Variants in HACE1 observed in about 807,000 individuals in gnomAD.
HACE1 encodes the protein E3 ubiquitin-protein ligase HACE1.
In HACE1, 73 loss-of-function variants were observed where a neutral mutation model predicts 118.4. That is an observed-to-expected ratio of 0.62 (90% CI 0.51 to 0.75). HACE1 has a LOEUF of 0.75. Ranked by LOEUF, HACE1 falls within the 30% of genes least tolerant of loss-of-function variation. The pLI is 0.00. For synonymous variants in HACE1, 368 were observed against 374.8 expected, an observed-to-expected ratio of 0.98 and a Z score of 0.21; for missense variants, 749 against 1,102.2, an observed-to-expected ratio of 0.68 and a Z score of 4.54.
At chr6:104,858,425 G>A (rs1776957432) in intron 1 of HACE1, 1 of 327,748 alleles carries the variant, frequency 3.1e-6, no homozygotes, top group Non-Finnish European at 6.1e-6. Flanking sequence ...CCCAGGCCAG[G>A]CGCGGTGGCT....
intron 22 of HACE1, chr6:104,732,076 T>C (rs1775271056): frequency 6.6e-6 from 1 of 152,124 alleles, no homozygotes; most frequent in Non-Finnish European, 1.5e-5. Context: ...ATTACAAGTA[T>C]TGGCAAGGAT....
chr6:104,757,959 C>A (rs1778905019), intron 19 of HACE1, among the ~76,000 whole-genome samples: 1 of 151,524 alleles, frequency 6.6e-6, no homozygotes, highest in Non-Finnish European at 1.5e-5. Context: ...GACTGAAGAT[C>A]AAATCAATGA....
At chr6:104,828,967 AG>A (rs1773594205) in intron 6 of HACE1, among the ~76,000 whole-genome samples, 2 of 152,100 alleles carry the variant, frequency 1.3e-5, no homozygotes, top group South Asian at 4.1e-4. Context: ...TGAGATTAGA[AG>A]GCGAATTTCA....
At chr6:104,785,488 T>C in intron 11 of HACE1, 169 bp from the exon 12 acceptor site, 3 of 583,752 alleles carry the variant, frequency 5.1e-6, no homozygotes, top group Admixed American at 3.0e-5. Flanking sequence ...AATAAAATTA[T>C]ACAAATGCTA....
intron 2 of HACE1, among the ~76,000 whole-genome samples, 186 bp from the exon 3 acceptor site, chr6:104,851,182 C>T (rs1776167937): frequency 6.6e-6 from 1 of 152,214 alleles, no homozygotes; most frequent in Admixed American, 6.5e-5. Context: ...CTCCCTGGTT[C>T]AAGCAATTCT....
chr6:104,852,124 T>C (rs549066657), intron 2 of HACE1, among the ~76,000 whole-genome samples, 193 bp downstream of exon 2: 6 of 152,260 alleles, frequency 3.9e-5, no homozygotes, highest in African/African-American at 1.2e-4. Context: ...GAAAATCTTA[T>C]TCCTTATTTC....
chr6:104,771,319 T>C lies in HACE1; in HGVS notation c.2085A>G (p.Leu695=). ...PEYAKNLQWI[L]DNDISDLGLE... ...GACCCAGATCACTTATATCATTATC[T>C]AAAATCCATTGCAAATTTTTCGCAT... The change falls in exon 19 of 24, where the codon TTA becomes TTG. Residue 695 remains leucine (L), a synonymous_variant. Coordinates refer to ENST00000262903, the MANE Select transcript of HACE1 (RefSeq NM_020771.4). The C allele has an allele frequency of 6.2e-7, 1 of 1,611,800 alleles. No individual in the cohort carries two copies. The highest frequency in any genetic ancestry group is 8.5e-7 in the Non-Finnish European group (1 of 1,177,922).
At chr6:104,831,959 A>AAG (rs1773956377) in intron 6 of HACE1, among the ~76,000 whole-genome samples, 1 of 90,606 alleles carries the variant, frequency 1.1e-5, no homozygotes, top group African/African-American at 5.7e-5. Context: ...AGAAGAGAAG[A>AAG]GAAGAGAAGA....
chr6:104,853,230 T>C (rs1337904311), intron 1 of HACE1, among the ~76,000 whole-genome samples: 2 of 152,240 alleles, frequency 1.3e-5, no homozygotes, highest in Non-Finnish European at 2.9e-5. Context: ...GCCACACTGT[T>C]GGACTTCCCA....
intron 23 of HACE1, 75 bp downstream of exon 23, chr6:104,730,228 A>C (rs1453766351): frequency 5.0e-6 from 4 of 804,306 alleles, no homozygotes; most frequent in Admixed American, 1.8e-5. Flanking sequence ...CCAATGCAGC[A>C]ACAGTTAGAT....
Position 104,729,753 on chromosome 6 carries a change from A to G in HACE1, c.2639T>C (p.Leu880Pro). 1.3e-6 allele frequency: 2 copies of G among 1,495,550 alleles called. No individual in the cohort carries two copies. The highest frequency in any genetic ancestry group is 1.9e-6 in the Non-Finnish European group (2 of 1,072,734). 92.6% of individuals were successfully genotyped at this position (1,495,550 alleles called of 1,614,324 possible). Residue 880 changes from leucine to proline, a missense_variant, in exon 24 of 24, where the codon CTC becomes CCC. Physicochemically the swap from Leu to Pro is moderately conservative, Grantham distance 98. This residue lies in a region of HACE1 where 165 missense variants were observed against 229.9 expected (regional missense o/e 0.72). Transcript: ENST00000262903. Reference sequence around the variant, plus strand: ...TTTACTTGGGTATTCAGGTAACTTGAGCATGTTGATGCTTTAAAAGAAAAA... The same window carrying G: ...TTTACTTGGGTATTCAGGTAACTTGGGCATGTTGATGCTTTAAAAGAAAAA... ...LPTSSTCINM[L>P]KLPEYPSKEI...
At chr6:104,736,920 T>C (rs1775907476) in intron 22 of HACE1, among the ~76,000 whole-genome samples, 1 of 152,128 alleles carries the variant, frequency 6.6e-6, no homozygotes, top group South Asian at 2.1e-4. Context: ...TTTAATTTTC[T>C]TCTATTTTCT....
rs1469918083 is a variant in HACE1, at chr6:104,774,280, C to T, written c.1865-2206G>A. ...AATTTTTTTGTATTTTTAGTAGAGA[C>T]GGGGTTTCACCGTTTTAGCCGGGAT... On this transcript the variant is annotated intron_variant, in intron 17 of 23. Coordinates refer to ENST00000262903, the MANE Select transcript of HACE1 (RefSeq NM_020771.4). Among the ~76,000 whole-genome samples the T allele has an allele frequency of 8.5e-5, 11 of 130,000 alleles. 1 individual carries two copies. The highest frequency in any genetic ancestry group is 1.7e-4 in the Non-Finnish European group (11 of 62,866). 85.3% of individuals were successfully genotyped at this position (130,000 alleles called of 152,430 possible). A position where few individuals can be genotyped will look rare whatever the true frequency, so the allele number is the denominator to read the frequency against.
chr6:104,841,874 A>C (rs1775147797), intron 5 of HACE1, among the ~76,000 whole-genome samples: 1 of 152,198 alleles, frequency 6.6e-6, no homozygotes, highest in South Asian at 2.1e-4. Flanking sequence ...TCCATTAAAT[A>C]ATGACAATTT....
rs549972238 is a variant in HACE1, at chr6:104,778,630, C to CAA, written c.1567-1315_1567-1314dup. ...GGCAACAGTGAGACCCTGTCTCTACCAAAAAAAAAAAAATGTTTTAATTAG... is the reference window on the plus strand; with the variant it reads ...GGCAACAGTGAGACCCTGTCTCTACCAAAAAAAAAAAAAAATGTTTTAATTAG... On this transcript the variant is annotated intron_variant, in intron 14 of 23. Coordinates refer to ENST00000262903, the MANE Select transcript of HACE1 (RefSeq NM_020771.4). Among the ~76,000 whole-genome samples, 1,260 of 139,872 alleles carry CAA rather than the reference C, an allele frequency of 9.0e-3. 11 individuals carry two copies. Among genetic ancestry groups the CAA allele is most frequent in the Non-Finnish European group, 0.014 (903 of 63,684 alleles). 91.8% of individuals were successfully genotyped at this position (139,872 alleles called of 152,430 possible). A position where few individuals can be genotyped will look rare whatever the true frequency, so the allele number is the denominator to read the frequency against.
intron 9 of HACE1, 30 bp from the exon 10 acceptor site, chr6:104,795,715 T>C (rs1414994553): frequency 7.7e-7 from 1 of 1,293,682 alleles, no homozygotes. Context: ...AAAAATGTGA[T>C]TACATAGTAA....
chr6:104,838,044 T>C (rs1237758371), intron 5 of HACE1, among the ~76,000 whole-genome samples: 1 of 151,960 alleles, frequency 6.6e-6, no homozygotes, highest in East Asian at 1.9e-4. Flanking sequence ...TAGAAAAAGA[T>C]GCAAGAAACT....
chr6:104,818,650 AG>A (rs2115005250), intron 6 of HACE1, among the ~76,000 whole-genome samples: 1 of 152,236 alleles, frequency 6.6e-6, no homozygotes, highest in South Asian at 2.1e-4. Flanking sequence ...ACTGGCAAGC[AG>A]AATCCAGCAG....
intron 5 of HACE1, among the ~76,000 whole-genome samples, chr6:104,839,842 C>T (rs955628108): frequency 6.6e-6 from 1 of 152,064 alleles, no homozygotes; most frequent in Non-Finnish European, 1.5e-5. Context: ...CCCATCTCTA[C>T]TAAAAATGCA....
Sources: gnomAD v4.1 joint callset for allele counts (sites outside exome capture counted in the v4.1 genomes callset) on GRCh38, gnomAD v4.1.1 for gene constraint, gnomAD v4.1.1 regional missense constraint, MANE v1.5 for transcripts, NCBI Gene and HGNC (gene_info 2026-07-23, HGNC 2026-07-21) for gene names.